Variants in CFAP44 observed in about 807,000 individuals in gnomAD.
CFAP44 encodes cilia and flagella associated protein 44.
A neutral mutation model predicts 216.2 loss-of-function variants in CFAP44; 134 were observed. The ratio of observed to expected loss-of-function variants is 0.62; its 90% confidence interval spans 0.54 to 0.72. The LOEUF is 0.72. Ranked by LOEUF, CFAP44 falls within the 30% of genes least tolerant of loss-of-function variation. The pLI, the probability that CFAP44 is intolerant of heterozygous loss-of-function variation, is 0.00. For missense variants in CFAP44, 2,035 were observed against 2,182.1 expected, an observed-to-expected ratio of 0.93 and a Z score of 1.34; for synonymous variants, 700 against 727.6, an observed-to-expected ratio of 0.96 and a Z score of 0.61.
At chr3:113,416,697 T>C in intron 5 of CFAP44, 70 bp from the exon 6 acceptor site, 2 of 1,059,398 alleles carry the variant, frequency 1.9e-6, no homozygotes, top group East Asian at 2.7e-5. Context: ...ATTAATGCAG[T>C]ATTTAGCATC....
At chr3:113,350,658 T>C (rs1001482490) in intron 22 of CFAP44, among the ~76,000 whole-genome samples, 7 of 152,224 alleles carry the variant, frequency 4.6e-5, no homozygotes, top group Non-Finnish European at 1.0e-4. Flanking sequence ...TCAGAGATCC[T>C]TGGCCCAGTG....
chr3:113,321,967 C>T (rs1332917846), intron 28 of CFAP44, among the ~76,000 whole-genome samples: 3 of 152,148 alleles, frequency 2.0e-5, no homozygotes, highest in Non-Finnish European at 4.4e-5. Context: ...TTCAATGCTA[C>T]TCCTATCAAA....
Position 113,400,533 on chromosome 3 carries a change from G to A in CFAP44, c.1474+12C>T, listed in dbSNP as rs1934112472. On this transcript the variant is annotated intron_variant, in intron 12 of 34. Transcript: ENST00000393845. Reference sequence around the variant, plus strand: ...AAGGCCAGACATATTTTTATTAAGAGTTCCTACTTACAGTCCAAGGCAGTT... The same window carrying A: ...AAGGCCAGACATATTTTTATTAAGAATTCCTACTTACAGTCCAAGGCAGTT... 1 of 1,550,098 alleles carries A rather than the reference G, an allele frequency of 6.5e-7. No homozygotes were observed. Among genetic ancestry groups the A allele is most frequent in the Non-Finnish European group, 8.7e-7 (1 of 1,150,988 alleles).
chr3:113,330,570 C>G lies in CFAP44; in HGVS notation c.3714G>C (p.Leu1238=). The G allele has an allele frequency of 1.3e-6, 2 of 1,537,164 alleles. No individual in the cohort carries two copies. The highest frequency in any genetic ancestry group is 1.7e-6 in the Non-Finnish European group (2 of 1,146,858). The change falls in exon 26 of 35, where the codon CTG becomes CTC. Residue 1238 remains leucine, a synonymous_variant. Coordinates refer to ENST00000393845, the MANE Select transcript of CFAP44 (RefSeq NM_001164496.2). ...TGTGAAGAGTCGACTGAATGTTCTTCAGTTCTTGTACCAGGCACTGTATTT... is the reference window on the plus strand; with the variant it reads ...TGTGAAGAGTCGACTGAATGTTCTTGAGTTCTTGTACCAGGCACTGTATTT... ...VEEIQCLVQE[L]KNIQSTLHIS...
intron 5 of CFAP44, chr3:113,417,097 C>T (rs74985206): frequency 0.025 from 3,842 of 153,170 alleles, 59 homozygotes; most frequent in East Asian, 0.052. Context: ...GATGTTGATG[C>T]AGCTAGTTTG....
intron 4 of CFAP44, among the ~76,000 whole-genome samples, chr3:113,423,118 T>C (rs1934863472): frequency 7.0e-6 from 1 of 142,802 alleles, no homozygotes; most frequent in East Asian, 2.0e-4. Flanking sequence ...TTTTTTTTTT[T>C]TTTTTTTTTT....
In CFAP44 at chr3:113,327,629, TC is replaced by T. The variant is rs770377441; in HGVS notation, c.4306del (p.Glu1436AsnfsTer8). On this transcript the variant is annotated frameshift_variant, in exon 27 of 35. Coordinates refer to ENST00000393845, the MANE Select transcript of CFAP44 (RefSeq NM_001164496.2). LOFTEE classifies it high-confidence loss of function. ...QERVNSLDKE[E>X]QYMQWKINET... The stretch of plus-strand genomic sequence containing the variant: ...GCCCACTCATACTTGCATGTACTGT[TC>T]CTCTTTGTCTAAGGAATTAACACGT... The T allele has an allele frequency of 1.3e-6, 2 of 1,536,848 alleles. No homozygotes were observed. Among genetic ancestry groups the T allele is most frequent in the East Asian group, 2.4e-5 (1 of 40,888 alleles).
At chr3:113,342,325 T>C (rs1232835584) in intron 23 of CFAP44, among the ~76,000 whole-genome samples, 4 of 152,118 alleles carry the variant, frequency 2.6e-5, no homozygotes, top group African/African-American at 9.7e-5. Flanking sequence ...AGAGTGAGAC[T>C]CTGTCTCAAA....
In CFAP44 at chr3:113,287,202, C is replaced by A; in HGVS notation, c.*4355G>T. 1 of 390,100 alleles carries A rather than the reference C, an allele frequency of 2.6e-6. No homozygotes were observed. The highest frequency in any genetic ancestry group is 4.9e-6 in the Non-Finnish European group (1 of 202,948). 24.2% of individuals were successfully genotyped at this position (390,100 alleles called of 1,614,324 possible). The stretch of plus-strand genomic sequence containing the variant: ...AGATAAGCTGGCAAGAGGAAGGATC[C>A]CAGGCACATGGTTCATCACGAGCAT... On this transcript the variant is annotated 3_prime_UTR_variant, in exon 35 of 35. Transcript: ENST00000393845.
Position 113,395,730 on chromosome 3 carries a change from G to A in CFAP44, c.1890+20C>T, listed in dbSNP as rs1933972036. 6.4e-7 allele frequency: 1 copy of A among 1,567,650 alleles called. No homozygotes were observed. Among genetic ancestry groups the A allele is most frequent in the Non-Finnish European group, 8.7e-7 (1 of 1,151,240 alleles). ...GTAGTAATTGAGATTCAAACAGGAA[G>A]ACAAATAATAATGACTTACATGAGA... On this transcript the variant is annotated intron_variant, in intron 15 of 34. Coordinates refer to ENST00000393845, the MANE Select transcript of CFAP44 (RefSeq NM_001164496.2).
At chr3:113,320,461 TATATC>T (rs1284357004) in intron 28 of CFAP44, among the ~76,000 whole-genome samples, 3 of 106,834 alleles carry the variant, frequency 2.8e-5, no homozygotes, top group Non-Finnish European at 6.2e-5. Flanking sequence ...ATTACATCTA[TATATC>T]ATATATGATA....
intron 5 of CFAP44, 103 bp from the exon 6 acceptor site, chr3:113,416,730 C>T: frequency 1.2e-6 from 1 of 808,828 alleles, no homozygotes; most frequent in East Asian, 2.9e-5. Context: ...ATTTATTAGG[C>T]TTTACTCTAA....
chr3:113,372,134 A>T (rs937650190), intron 18 of CFAP44, among the ~76,000 whole-genome samples: 3 of 152,142 alleles, frequency 2.0e-5, no homozygotes, highest in African/African-American at 4.8e-5. Context: ...GCTGGTGGGA[A>T]TGTAAATTAG....
chr3:113,324,586 A>G (rs1487986554), intron 28 of CFAP44, among the ~76,000 whole-genome samples: 1 of 152,188 alleles, frequency 6.6e-6, no homozygotes. Flanking sequence ...TTCATGAAAA[A>G]GAGGAACAGA....
At chr3:113,308,080 G>T in intron 29 of CFAP44, 78 bp downstream of exon 29, 1 of 1,146,598 alleles carries the variant, frequency 8.7e-7, no homozygotes, top group Non-Finnish European at 1.2e-6. Flanking sequence ...AGAGCACAGA[G>T]AAACCAAAAA....
intron 24 of CFAP44, among the ~76,000 whole-genome samples, chr3:113,341,530 G>T (rs566395146): frequency 6.6e-6 from 1 of 152,110 alleles, no homozygotes; most frequent in South Asian, 2.1e-4. Flanking sequence ...GGAATTCCTG[G>T]ACCGGAAACT....
intron 14 of CFAP44, 152 bp downstream of exon 14, chr3:113,396,366 A>C (rs898179956): frequency 1.8e-5 from 14 of 792,546 alleles, no homozygotes; most frequent in Non-Finnish European, 2.5e-5. Context: ...TTCACAGACT[A>C]CGCTGAAAGA....
intron 6 of CFAP44, among the ~76,000 whole-genome samples, chr3:113,414,498 G>T (rs548065454): frequency 2.6e-5 from 4 of 152,258 alleles, no homozygotes; most frequent in African/African-American, 4.8e-5. Flanking sequence ...CTGTGGGTTT[G>T]TCATAAATAG....
At position 113,436,308 on chromosome 3, in the gene CFAP44, C is replaced by G. The variant is rs543633207; in HGVS notation, c.-5-2639G>C. Among the ~76,000 whole-genome samples, 246 of 152,132 alleles carry G rather than the reference C, an allele frequency of 1.6e-3. 1 individual carries two copies. Among genetic ancestry groups the G allele is most frequent in the African/African-American group, 5.7e-3 (237 of 41,468 alleles). On this transcript the variant is annotated intron_variant, in intron 1 of 34. Transcript: ENST00000393845. ...GAGTTTGGTTATAAATGACCACATA[C>G]TGTGGGTAAAATTGTTTAGATACAC...
Sources: gnomAD v4.1 joint callset for allele counts (sites outside exome capture counted in the v4.1 genomes callset) on GRCh38, gnomAD v4.1.1 for gene constraint, MANE v1.5 for transcripts, NCBI Gene and HGNC (gene_info 2026-07-23, HGNC 2026-07-21) for gene names.